The following FAN1 variants were observed in gnomAD, a reference collection of about 807,000 sequenced individuals.
FAN1 encodes the protein FANCD2 and FANCI associated nuclease 1.
FAN1 carries 91 observed loss-of-function variants against 104.9 expected under a neutral mutation model. The observed-to-expected ratio is 0.87, with a 90% CI of 0.73 to 1.03. FAN1 has a LOEUF of 1.03. FAN1 is among the 50% of genes least tolerant of loss of function. FAN1 has a pLI of 0.00. For synonymous variants in FAN1, 478 were observed against 457.6 expected, an observed-to-expected ratio of 1.04 and a Z score of -0.57; for missense variants, 1,263 against 1,239.9, an observed-to-expected ratio of 1.02 and a Z score of -0.28.
At chr15:30,922,924 T>C (rs2062369465) in intron 8 of FAN1, among the ~76,000 whole-genome samples, 11 of 152,254 alleles carry the variant, frequency 7.2e-5, no homozygotes, top group Admixed American at 7.2e-4. Context: ...ACAGGGATTC[T>C]GTGGCCACCA....
Position 30,904,597 on chromosome 15 carries a change from C to T in FAN1, c.-67C>T, listed in dbSNP as rs954198296. ...TCAAGTCAAGAAAGTAAAAGTAAAC[C>T]ATTGCTATCTTTCACCTTAAATATC... On this transcript the variant is annotated 5_prime_UTR_variant, in exon 2 of 15. Transcript: ENST00000362065. 3 of 1,472,954 alleles carry T rather than the reference C, an allele frequency of 2.0e-6. No individual in the cohort carries two copies. Among genetic ancestry groups the T allele is most frequent in the East Asian group, 2.3e-5 (1 of 44,250 alleles). 91.2% of individuals were successfully genotyped at this position (1,472,954 alleles called of 1,614,324 possible). A position where few individuals can be genotyped will look rare whatever the true frequency, so the allele number is the denominator to read the frequency against.
At chr15:30,906,766 G>A (rs1194110847) in intron 2 of FAN1, among the ~76,000 whole-genome samples, 1 of 152,176 alleles carries the variant, frequency 6.6e-6, no homozygotes. Context: ...ACATGTGAGC[G>A]ATACTTCTCT....
At chr15:30,910,867 A>AT (rs1296567900) in intron 4 of FAN1, 52 bp downstream of exon 4, 2 of 1,562,086 alleles carry the variant, frequency 1.3e-6, no homozygotes, top group Non-Finnish European at 1.7e-6. Flanking sequence ...GATAGCACAT[A>AT]TTAACTTACA....
Position 30,908,197 on chromosome 15 carries a change from G to T in FAN1, c.1314G>T (p.Glu438Asp). 6.2e-7 allele frequency: 1 copy of T among 1,611,834 alleles called. No individual in the cohort carries two copies. Among genetic ancestry groups the T allele is most frequent in the Non-Finnish European group, 8.5e-7 (1 of 1,179,026 alleles). ...AGATGACCAAATTAGAGTATGAAGA[G>T]ATTGCCTTAGACTTAACACCTGTGA... ...WIKMTKLEYE[E>D]IALDLTPVIE... The change falls in exon 3 of 15, where the codon GAG (glutamate) becomes GAT (aspartate). Residue 438 changes from glutamate (E) to aspartate (D), a missense_variant. Glu to Asp is a conservative substitution (Grantham distance 45). This residue lies in a region of FAN1 where 682 missense variants were observed against 571.1 expected (regional missense o/e 1.19). Coordinates refer to ENST00000362065, the MANE Select transcript of FAN1 (RefSeq NM_014967.5).
chr15:30,941,892 G>A lies in FAN1; in HGVS notation c.*330G>A. 1 of 1,614,014 alleles carries A rather than the reference G, an allele frequency of 6.2e-7. No individual in the cohort carries two copies. Among genetic ancestry groups the A allele is most frequent in the Non-Finnish European group, 8.5e-7 (1 of 1,179,892 alleles). On this transcript the variant is annotated 3_prime_UTR_variant, in exon 15 of 15. Transcript: ENST00000362065. ...AGAATAACACCGTGCAGGTTGGCGG[G>A]TTTGGAAAACCATTCTCTAAAATAC...
intron 10 of FAN1, 51 bp from the exon 11 acceptor site, chr15:30,928,500 CAG>C (rs1311372821): frequency 1.6e-5 from 21 of 1,279,188 alleles, no homozygotes; most frequent in Admixed American, 5.8e-5. Context: ...ACAGATAAAA[CAG>C]ATTTTGTGTG....
At chr15:30,936,836 C>G (rs1371531458) in intron 13 of FAN1, among the ~76,000 whole-genome samples, 2 of 150,446 alleles carry the variant, frequency 1.3e-5, no homozygotes, top group African/African-American at 4.9e-5. Flanking sequence ...GGAGCTGTGG[C>G]TCACTGCTGC....
chr15:30,919,689 G>T (rs887260597), intron 6 of FAN1, among the ~76,000 whole-genome samples: 1 of 137,800 alleles, frequency 7.3e-6, no homozygotes, highest in East Asian at 2.0e-4. Context: ...ACTCTGTCTC[G>T]GGGAAAAAAA....
chr15:30,905,352 T>G lies in FAN1; in HGVS notation c.689T>G (p.Met230Arg). 2 of 1,613,872 alleles carry G rather than the reference T, an allele frequency of 1.2e-6. No individual in the cohort carries two copies. Among genetic ancestry groups the G allele is most frequent in the South Asian group, 1.1e-5 (1 of 91,070 alleles). The change falls in exon 2 of 15, where the codon ATG becomes AGG. Residue 230 changes from methionine (M) to arginine (R), a missense_variant. Met to Arg is a moderately conservative substitution (Grantham distance 91). Transcript: ENST00000362065. ...SLKEECIPEH[M>R]VRGSKIMEAE... ...AAGGAAGAGTGCATTCCTGAACATA[T>G]GGTAAGAGGAAGTAAAATAATGGAA...
chr15:30,941,600 A>G lies in FAN1; in HGVS notation c.*38A>G. On this transcript the variant is annotated 3_prime_UTR_variant, in exon 15 of 15. Transcript: ENST00000362065. Reference sequence around the variant, plus strand: ...AGGAGAAAATGGAAATGAGGAGGAGAGAAACTCCGGTGTCCCCGAGGTGTC... The same window carrying G: ...AGGAGAAAATGGAAATGAGGAGGAGGGAAACTCCGGTGTCCCCGAGGTGTC... 6.3e-7 allele frequency: 1 copy of G among 1,599,954 alleles called. No individual in the cohort carries two copies. The highest frequency in any genetic ancestry group is 8.5e-7 in the Non-Finnish European group (1 of 1,172,798).
chr15:30,929,794 TATA>T lies in FAN1; in HGVS notation c.2787+401_2787+403del, dbSNP rs577333663. On this transcript the variant is annotated intron_variant, in intron 12 of 14. Coordinates refer to ENST00000362065, the MANE Select transcript of FAN1 (RefSeq NM_014967.5). ...ATATAATATATTATATCATATATAA[TATA>T]ATATATAAAATATATAATATATTAT... 1.8e-3 allele frequency among the ~76,000 whole-genome samples: 50 copies of T among 28,008 alleles called. No individual in the cohort carries two copies. In the East Asian group the frequency reaches 0.034, roughly 19 times the overall value. 18.4% of individuals were successfully genotyped at this position (28,008 alleles called of 152,430 possible).
Position 30,913,242 on chromosome 15 carries a change from GCGTATT to G in FAN1, c.1578-614_1578-609del, listed in dbSNP as rs1337082802. Among the ~76,000 whole-genome samples, 172 of 152,278 alleles carry G rather than the reference GCGTATT, an allele frequency of 1.1e-3. 4 individuals are homozygous for G. The highest frequency in any genetic ancestry group is 1.5e-4 in the Non-Finnish European group (10 of 68,020). ...ACTGCGCATGCGAGGGATCTAGGTT[GCGTATT>G]CCTTATGAGAATCTATTGCCTGATG... is the stretch of plus-strand genomic sequence containing the variant. On this transcript the variant is annotated intron_variant, in intron 4 of 14. Coordinates refer to ENST00000362065, the MANE Select transcript of FAN1 (RefSeq NM_014967.5).
intron 13 of FAN1, among the ~76,000 whole-genome samples, chr15:30,933,936 A>AT (rs911821277): frequency 2.0e-5 from 3 of 151,308 alleles, no homozygotes; most frequent in Non-Finnish European, 2.9e-5. Flanking sequence ...GATTTTTTTT[A>AT]TTTTTTGTAG....
chr15:30,909,493 G>A (rs890987682), intron 3 of FAN1, among the ~76,000 whole-genome samples: 2 of 152,200 alleles, frequency 1.3e-5, no homozygotes, highest in African/African-American at 4.8e-5. Flanking sequence ...AAAATGTGGT[G>A]CAGCTTCCGT....
chr15:30,928,525 T>C (rs774334166), intron 10 of FAN1, 28 bp from the exon 11 acceptor site: 3 of 1,611,190 alleles, frequency 1.9e-6, no homozygotes. Context: ...TGTGTGTGTG[T>C]GTGTGTGTGT....
intron 14 of FAN1, among the ~76,000 whole-genome samples, chr15:30,938,222 T>C (rs1330695500): frequency 2.0e-5 from 3 of 152,126 alleles, no homozygotes; most frequent in Non-Finnish European, 4.4e-5. Flanking sequence ...AACCAGTGTT[T>C]CCTTCAAGTA....
chr15:30,918,046 G>T (rs2062231183), intron 5 of FAN1, 118 bp from the exon 6 acceptor site: 2 of 938,960 alleles, frequency 2.1e-6, no homozygotes, highest in Non-Finnish European at 1.6e-6. Flanking sequence ...AATTTAAGTG[G>T]CCCTCATATT....
chr15:30,922,600 C>G (rs1393460675), intron 8 of FAN1, among the ~76,000 whole-genome samples: 1 of 152,094 alleles, frequency 6.6e-6, no homozygotes, highest in African/African-American at 2.4e-5. Flanking sequence ...ACTGTGGACT[C>G]TGTGCTGGCA....
In FAN1 at chr15:30,941,935, C is replaced by A; in HGVS notation, c.*373C>A. Reference sequence around the variant, plus strand: ...TAAAATACTGCTCCGTATCACTGTTCTGGCTGTCGGTTTGCTGAGCTGGAT... The same window carrying A: ...TAAAATACTGCTCCGTATCACTGTTATGGCTGTCGGTTTGCTGAGCTGGAT... On this transcript the variant is annotated 3_prime_UTR_variant, in exon 15 of 15. Transcript: ENST00000362065. 1 of 1,614,020 alleles carries A rather than the reference C, an allele frequency of 6.2e-7. No individual in the cohort carries two copies. The highest frequency in any genetic ancestry group is 8.5e-7 in the Non-Finnish European group (1 of 1,179,900).
Sources: gnomAD v4.1 joint callset for allele counts (sites outside exome capture counted in the v4.1 genomes callset) on GRCh38, gnomAD v4.1.1 for gene constraint, gnomAD v4.1.1 regional missense constraint, MANE v1.5 for transcripts, NCBI Gene and HGNC (gene_info 2026-07-23, HGNC 2026-07-21) for gene names.